FER: variants seen among roughly 807,000 people sequenced by gnomAD.
FER encodes FER tyrosine kinase, also known as tyrosine-protein kinase Fer.
Under a neutral mutation model 111.0 loss-of-function variants are expected in FER, and 63 were observed. That is an observed-to-expected ratio of 0.57 (90% CI 0.46 to 0.70). The LOEUF (loss-of-function observed/expected upper bound fraction) is 0.70, where lower values mean the gene tolerates loss of function less well. Ranked by LOEUF, FER falls within the 30% of genes least tolerant of loss-of-function variation. The probability of loss-of-function intolerance (pLI) is 0.00; values close to 1 mark genes in which losing one functional copy is unlikely to be tolerated. For missense variants in FER, 914 were observed against 954.0 expected (o/e 0.96, Z 0.55); for synonymous variants, 327 against 313.9 (o/e 1.04, Z -0.44).
chr5:109,149,900 A>T (rs1754632717), intron 17 of FER, among the ~76,000 whole-genome samples: 1 of 152,194 alleles, frequency 6.6e-6, no homozygotes, highest in African/African-American at 2.4e-5. Flanking sequence ...AGTGAGCGGA[A>T]GGCCAGGGAG....
At chr5:108,908,905 G>T (rs745782473) in intron 10 of FER, among the ~76,000 whole-genome samples, 1 of 152,046 alleles carries the variant, frequency 6.6e-6, no homozygotes, top group Non-Finnish European at 1.5e-5. Context: ...GGGTGTGGTG[G>T]CACGTGCCTG....
chr5:109,009,947 A>G (rs1474984593), intron 13 of FER, among the ~76,000 whole-genome samples: 1 of 152,132 alleles, frequency 6.6e-6, no homozygotes, highest in Non-Finnish European at 1.5e-5. Flanking sequence ...AAATTTTGTA[A>G]TTTCCACAGT....
chr5:108,854,701 C>T (rs1408323569), intron 5 of FER, among the ~76,000 whole-genome samples: 5 of 151,912 alleles, frequency 3.3e-5, no homozygotes, highest in Admixed American at 1.3e-4. Context: ...TTTGGGAGGC[C>T]GAGGCAGATG....
chr5:109,086,303 T>C (rs1777558648), intron 16 of FER, among the ~76,000 whole-genome samples: 1 of 151,682 alleles, frequency 6.6e-6, no homozygotes, highest in South Asian at 2.1e-4. Context: ...GTCAAGTGTA[T>C]GCCATAAGGT....
At chr5:109,108,077 G>A (rs951018966) in intron 17 of FER, among the ~76,000 whole-genome samples, 8 of 152,160 alleles carry the variant, frequency 5.3e-5, no homozygotes, top group African/African-American at 1.4e-4. Context: ...CAGATGATGG[G>A]GCATGTACTA....
At chr5:108,800,703 A>G (rs555769354) in intron 3 of FER, among the ~76,000 whole-genome samples, 2 of 152,288 alleles carry the variant, frequency 1.3e-5, no homozygotes, top group South Asian at 4.1e-4. Flanking sequence ...CCTATAAGTA[A>G]AGTCTACCTT....
chr5:109,132,865 A>G (rs1238730294), intron 17 of FER, among the ~76,000 whole-genome samples: 1 of 152,184 alleles, frequency 6.6e-6, no homozygotes, highest in Non-Finnish European at 1.5e-5. Flanking sequence ...TCCTCTTAGT[A>G]GAGAACTGAA....
intron 17 of FER, among the ~76,000 whole-genome samples, chr5:109,129,178 A>G (rs879529037): frequency 2.6e-4 from 40 of 152,116 alleles, no homozygotes; most frequent in Admixed American, 2.4e-3. Context: ...ATAAAGTCAG[A>G]TACTCATACC....
chr5:108,870,663 G>A (rs1011842477), intron 6 of FER, among the ~76,000 whole-genome samples: 7 of 152,052 alleles, frequency 4.6e-5, no homozygotes, highest in African/African-American at 1.7e-4. Context: ...GAAAAACCAT[G>A]CTTTGTATTT....
At chr5:108,947,267 C>T (rs1007782143) in intron 11 of FER, among the ~76,000 whole-genome samples, 4 of 152,006 alleles carry the variant, frequency 2.6e-5, no homozygotes, top group African/African-American at 9.7e-5. Context: ...TTTTGAGGAA[C>T]TGCCAAACTG....
intron 16 of FER, among the ~76,000 whole-genome samples, chr5:109,059,836 A>C (rs552711069): frequency 1.3e-5 from 2 of 152,208 alleles, no homozygotes; most frequent in Non-Finnish European, 2.9e-5. Context: ...AGGCATCTAC[A>C]TAAGAGAAAT....
chr5:108,921,385 C>A (rs1752998853), intron 10 of FER, among the ~76,000 whole-genome samples: 1 of 152,042 alleles, frequency 6.6e-6, no homozygotes, highest in Non-Finnish European at 1.5e-5. Flanking sequence ...CTTCTATAAT[C>A]CCTGCTTGTT....
rs148374138 is a variant in FER, at chr5:108,888,942, C to T, written c.1046+5424C>T. On this transcript the variant is annotated intron_variant, in intron 9 of 19. Transcript: ENST00000281092. ...CTAAAAATCAAAACCAGGAAATTTA[C>T]GTTTTAATCTTATTCTTGGTATTAA... is the stretch of plus-strand genomic sequence containing the variant. Among the ~76,000 whole-genome samples the T allele has an allele frequency of 5.6e-3, 852 of 151,900 alleles. 10 individuals are homozygous for T. The highest frequency in any genetic ancestry group is 0.019 in the African/African-American group (806 of 41,480).
intron 17 of FER, among the ~76,000 whole-genome samples, chr5:109,127,265 C>G (rs1312011388): frequency 1.3e-5 from 2 of 152,118 alleles, no homozygotes; most frequent in Non-Finnish European, 2.9e-5. Flanking sequence ...ATTATTTACA[C>G]TATTTCATTA....
Position 108,841,819 on chromosome 5 carries a change from A to G in FER, c.481+6012A>G, listed in dbSNP as rs73780595. 3,796 of 422,974 alleles carry G rather than the reference A, an allele frequency of 9.0e-3. 121 individuals are homozygous for G. The highest frequency in any genetic ancestry group is 0.073 in the African/African-American group (3,512 of 48,108). 26.2% of individuals were successfully genotyped at this position (422,974 alleles called of 1,614,324 possible). A position where few individuals can be genotyped will look rare whatever the true frequency, so the allele number is the denominator to read the frequency against. ...CTCAGTCTTCCTTTCTTTTTTTCCT[A>G]TGTCTTATCAGTGAAGAAGTGATGG... On this transcript the variant is annotated intron_variant, in intron 5 of 19. Coordinates refer to ENST00000281092, the MANE Select transcript of FER (RefSeq NM_005246.4).
Position 108,954,669 on chromosome 5 carries a change from T to C in FER, c.1330-60T>C, listed in dbSNP as rs1758201543. 7 of 1,267,242 alleles carry C rather than the reference T, an allele frequency of 5.5e-6. 1 individual carries two copies. The highest frequency in any genetic ancestry group is 2.8e-4 in the Middle Eastern group (1 of 3,578). The allele number at this position is 1,267,242 out of a possible 1,614,324, so 78.5% of individuals were successfully genotyped here. On this transcript the variant is annotated intron_variant, in intron 11 of 19. Coordinates refer to ENST00000281092, the MANE Select transcript of FER (RefSeq NM_005246.4). ...AAGCCTTTATAGTTGCTATGAATTT[T>C]ATTAGAAAATAATCAGTATTTTCTC...
At chr5:109,024,794 G>A (rs1017368820) in intron 13 of FER, among the ~76,000 whole-genome samples, 1 of 151,938 alleles carries the variant, frequency 6.6e-6, no homozygotes, top group Admixed American at 6.6e-5. Context: ...ATTGATTTTT[G>A]TATAAGGTGT....
chr5:108,865,263 A>G (rs1364903095), intron 5 of FER, among the ~76,000 whole-genome samples: 1 of 152,146 alleles, frequency 6.6e-6, no homozygotes, highest in East Asian at 1.9e-4. Context: ...GGCTGAGATG[A>G]TGGGGTTTTC....
chr5:108,990,147 C>G (rs537164806), intron 13 of FER, among the ~76,000 whole-genome samples: 9 of 151,766 alleles, frequency 5.9e-5, no homozygotes, highest in South Asian at 2.1e-4. Flanking sequence ...TTAATACAAG[C>G]AAAAACAAAT....
Sources: gnomAD v4.1 joint callset for allele counts (sites outside exome capture counted in the v4.1 genomes callset) on GRCh38, gnomAD v4.1.1 for gene constraint, MANE v1.5 for transcripts, NCBI Gene and HGNC (gene_info 2026-07-23, HGNC 2026-07-21) for gene names.